The following AFDN variants were observed in gnomAD, a reference collection of about 807,000 sequenced individuals.
The protein encoded by AFDN is afadin.
Under a neutral mutation model 216.6 loss-of-function variants are expected in AFDN, and 68 were observed. The ratio of observed to expected loss-of-function variants is 0.31; its 90% confidence interval spans 0.26 to 0.38. AFDN has a LOEUF of 0.38. Among genes scored for constraint, AFDN ranks in the 10% least tolerant of loss-of-function variants. AFDN has a pLI of 1.00. For missense variants in AFDN, 2,136 were observed against 2,342.0 expected, an observed-to-expected ratio of 0.91 and a Z score of 1.82; for synonymous variants, 868 against 853.7, an observed-to-expected ratio of 1.02 and a Z score of -0.29.
intron 13 of AFDN, among the ~76,000 whole-genome samples, chr6:167,908,085 C>T (rs1190135260): frequency 6.6e-6 from 1 of 152,234 alleles, no homozygotes; most frequent in Non-Finnish European, 1.5e-5. Context: ...TCATTATCAG[C>T]AGTGAAACTG....
chr6:167,936,420 G>A (rs1201090287), intron 23 of AFDN, among the ~76,000 whole-genome samples: 6 of 152,164 alleles, frequency 3.9e-5, no homozygotes, highest in East Asian at 1.9e-4. Context: ...AATTTTAATT[G>A]TGTGCGCATG....
chr6:167,846,312 T>C (rs1056926684), intron 1 of AFDN, among the ~76,000 whole-genome samples: 1 of 152,100 alleles, frequency 6.6e-6, no homozygotes, highest in Non-Finnish European at 1.5e-5. Flanking sequence ...GATCTTTAAA[T>C]GTTGACTAGT....
intron 13 of AFDN, 32 bp downstream of exon 13, chr6:167,907,321 G>T: frequency 6.6e-7 from 1 of 1,504,698 alleles, no homozygotes; most frequent in East Asian, 2.3e-5. Context: ...AATGGTGAAA[G>T]TACTGAAAGT....
rs1384654173 is a variant in AFDN at position 167,970,798 on chromosome 6, G to A, written c.*863G>A. 9.1e-6 allele frequency: 2 copies of A among 219,710 alleles called. No homozygotes were observed. The highest frequency in any genetic ancestry group is 2.2e-5 in the African/African-American group (1 of 44,534). The allele number at this position is 219,710 out of a possible 1,614,324, so 13.6% of individuals were successfully genotyped here. A position where few individuals can be genotyped will look rare whatever the true frequency, so the allele number is the denominator to read the frequency against. ...ATATCTTTATTGGAGCAATGTTCAT[G>A]TGACTGGGAATGACAGAAGAATGGG... On this transcript the variant is annotated 3_prime_UTR_variant, in exon 34 of 34. Transcript: ENST00000683244.
rs1289697727 is a variant in AFDN at position 167,965,999 on chromosome 6, T to A, written c.5211T>A (p.Phe1737Leu). 6.4e-7 allele frequency: 1 copy of A among 1,550,650 alleles called. No individual in the cohort carries two copies. Among genetic ancestry groups the A allele is most frequent in the Non-Finnish European group, 8.7e-7 (1 of 1,147,006 alleles). The change falls in exon 32 of 34, where the codon TTT (phenylalanine) becomes TTA (leucine). Residue 1737 changes from phenylalanine to leucine, a missense_variant. Transcript: ENST00000683244. Reference sequence around the variant, plus strand: ...CCGACTCGCTGTTCACTGCCAAGTTTGTTGCATACAATGAGGAGGAGGAGG... The same window carrying A: ...CCGACTCGCTGTTCACTGCCAAGTTAGTTGCATACAATGAGGAGGAGGAGG... ...LSPDSLFTAK[F>L]VAYNEEEEEE... is the part of the protein sequence containing the mutation.
chr6:167,833,716 T>G (rs1780079728), intron 1 of AFDN, among the ~76,000 whole-genome samples: 1 of 152,156 alleles, frequency 6.6e-6, no homozygotes, highest in Non-Finnish European at 1.5e-5. Context: ...GTTTCCCTCC[T>G]CCTCTTTGAC....
chr6:167,827,996 G>GT (rs1424469783), intron 1 of AFDN: 2 of 152,354 alleles, frequency 1.3e-5, no homozygotes, highest in East Asian at 3.9e-4. Flanking sequence ...TTAAAAAAAT[G>GT]TTTGAGTCCA....
At chr6:167,911,892 C>T (rs372695042) in intron 15 of AFDN, 139 of 235,612 alleles carry the variant, frequency 5.9e-4, no homozygotes, top group Middle Eastern at 5.4e-3. Context: ...GGTTCCAAAA[C>T]GTCTCCATCA....
intron 23 of AFDN, among the ~76,000 whole-genome samples, chr6:167,928,290 C>T (rs978392347): frequency 6.6e-6 from 1 of 152,206 alleles, no homozygotes; most frequent in Non-Finnish European, 1.5e-5. Flanking sequence ...TGCTGGGTGG[C>T]CTCTGGCCTC....
In AFDN at chr6:167,830,933, C is replaced by CTTTTTTT. The variant is rs71681602; in HGVS notation, c.105+3716_105+3722dup. Among the ~76,000 whole-genome samples, 11 of 79,320 alleles carry CTTTTTTT rather than the reference C, an allele frequency of 1.4e-4. 1 individual carries two copies. Among genetic ancestry groups the CTTTTTTT allele is most frequent in the South Asian group, 5.6e-4 (1 of 1,800 alleles). The allele number at this position is 79,320 out of a possible 152,430, so 52.0% of individuals were successfully genotyped here. On this transcript the variant is annotated intron_variant, in intron 1 of 33. Coordinates refer to ENST00000683244, the MANE Select transcript of AFDN (RefSeq NM_001386888.1). ...TCATACAACTGAACTATATTTGAAACTTTTTTTTTTTTTTTTTTTTTTTTT... is the reference window on the plus strand; with the variant it reads ...TCATACAACTGAACTATATTTGAAACTTTTTTTTTTTTTTTTTTTTTTTTTTTTTTTT...
chr6:167,918,096 T>C (rs1484564222), intron 20 of AFDN, among the ~76,000 whole-genome samples: 1 of 152,230 alleles, frequency 6.6e-6, no homozygotes, highest in East Asian at 1.9e-4. Flanking sequence ...CAGGTGGCGA[T>C]GTTCTCTTTT....
At chr6:167,833,428 A>G (rs1780043458) in intron 1 of AFDN, among the ~76,000 whole-genome samples, 1 of 152,178 alleles carries the variant, frequency 6.6e-6, no homozygotes, top group Non-Finnish European at 1.5e-5. Context: ...TGAGTGGTGC[A>G]GTGGGCTGTT....
intron 31 of AFDN, chr6:167,963,532 A>G (rs1253646064): frequency 9.5e-7 from 1 of 1,055,984 alleles, no homozygotes; most frequent in Non-Finnish European, 1.1e-6. Flanking sequence ...GATATGCTCT[A>G]TTAGGATACA....
chr6:167,888,517 A>G (rs1037264433), intron 6 of AFDN, among the ~76,000 whole-genome samples: 4 of 152,200 alleles, frequency 2.6e-5, no homozygotes, highest in African/African-American at 9.6e-5. Flanking sequence ...TTGGACAACC[A>G]TCATCTCCCA....
intron 8 of AFDN, among the ~76,000 whole-genome samples, chr6:167,891,724 T>C (rs1256468063): frequency 6.6e-6 from 1 of 152,194 alleles, no homozygotes; most frequent in African/African-American, 2.4e-5. Context: ...TGCACATATG[T>C]ATGCTGTGCA....
In AFDN at chr6:167,962,592, G is replaced by T. The variant is rs202042286; in HGVS notation, c.4968+25G>T. ...GGTTATGGTCCTTTAAGGGCAGCTA[G>T]AATTTTACCAAGTTAGCCTGAACGT... On this transcript the variant is annotated intron_variant, in intron 31 of 33. Transcript: ENST00000683244. The surrounding 1 kb of genome is among the most constrained non-coding windows in gnomAD (Gnocchi z 5.2). 5 of 1,613,838 alleles carry T rather than the reference G, an allele frequency of 3.1e-6. No individual in the cohort carries two copies. The East Asian group carries it at 8.9e-5, about 29-fold the overall frequency.
chr6:167,826,733 C>G (rs1235885698), upstream of AFDN: 1 of 389,034 alleles, frequency 2.6e-6, no homozygotes, highest in Non-Finnish European at 5.1e-6. Flanking sequence ...ACCCTAGCAC[C>G]GCGCGGGGCC....
At chr6:167,860,770 G>C (rs764059608) in intron 1 of AFDN, among the ~76,000 whole-genome samples, 2 of 152,170 alleles carry the variant, frequency 1.3e-5, no homozygotes, top group Non-Finnish European at 2.9e-5. Flanking sequence ...ACTGTGTGGG[G>C]CGTGAGCTGC....
chr6:167,963,140 A>G, intron 31 of AFDN: 1 of 1,066,350 alleles, frequency 9.4e-7, no homozygotes, highest in African/African-American at 1.6e-5. Context: ...TGTTTAAATC[A>G]AGTAACCCTT....
Sources: gnomAD v4.1 joint callset for allele counts (sites outside exome capture counted in the v4.1 genomes callset) on GRCh38, gnomAD v4.1.1 for gene constraint, Gnocchi (gnomAD v3.1) non-coding constraint, MANE v1.5 for transcripts, NCBI Gene and HGNC (gene_info 2026-07-23, HGNC 2026-07-21) for gene names.